UTRN: variants seen among roughly 807,000 people sequenced by gnomAD.
UTRN encodes dystrophin-related protein 1.
A neutral mutation model predicts 463.9 loss-of-function variants in UTRN; 283 were observed. The ratio of observed to expected loss-of-function variants is 0.61; its 90% confidence interval spans 0.55 to 0.67. The LOEUF (loss-of-function observed/expected upper bound fraction) is 0.67, where lower values mean the gene tolerates loss of function less well. UTRN is among the 30% of genes least tolerant of loss of function. The pLI is 0.00. For synonymous variants in UTRN, 1,442 were observed against 1,431.5 expected (o/e 1.01, Z -0.17); for missense variants, 3,922 against 4,084.3 (o/e 0.96, Z 1.08).
intron 41 of UTRN, among the ~76,000 whole-genome samples, chr6:144,530,078 G>T (rs1796902735): frequency 6.6e-6 from 1 of 152,146 alleles, no homozygotes; most frequent in South Asian, 2.1e-4. Context: ...AGGTAAATGG[G>T]ACCCTCAGGA....
At chr6:144,485,289 C>T (rs545862504) in intron 27 of UTRN, 96 bp from the exon 28 acceptor site, 1 of 1,517,852 alleles carries the variant, frequency 6.6e-7, no homozygotes, top group South Asian at 1.3e-5. Context: ...TACTCACATC[C>T]AAATGAAATT....
chr6:144,570,435 A>C (rs1231323177), intron 50 of UTRN, among the ~76,000 whole-genome samples: 8 of 152,154 alleles, frequency 5.3e-5, no homozygotes, highest in Admixed American at 4.6e-4. Flanking sequence ...TATCAGGCAA[A>C]GTTTAGGGAT....
intron 2 of UTRN, among the ~76,000 whole-genome samples, chr6:144,391,355 G>A (rs374624383): frequency 1.1e-4 from 16 of 152,300 alleles, no homozygotes; most frequent in African/African-American, 3.8e-4. Context: ...ACAGATGTGA[G>A]CCACTTGCCT....
rs140425434 is a variant in UTRN at position 144,345,746 on chromosome 6, C to T, written c.79+53839C>T. ...TTTCCTTTGATTGTCACTAAATCCTCTCTCTTTCCCCACCATTAAGAGTCT... is the reference window on the plus strand; with the variant it reads ...TTTCCTTTGATTGTCACTAAATCCTTTCTCTTTCCCCACCATTAAGAGTCT... On this transcript the variant is annotated intron_variant, in intron 2 of 74. Coordinates refer to ENST00000367545, the MANE Select transcript of UTRN (RefSeq NM_007124.3). Among the ~76,000 whole-genome samples, 339 of 152,302 alleles carry T rather than the reference C, an allele frequency of 2.2e-3. 1 individual carries two copies. Among genetic ancestry groups the T allele is most frequent in the Middle Eastern group, 6.8e-3 (2 of 294 alleles).
chr6:144,746,809 A>G (rs1790796849), intron 54 of UTRN, among the ~76,000 whole-genome samples: 1 of 152,120 alleles, frequency 6.6e-6, no homozygotes, highest in Non-Finnish European at 1.5e-5. Flanking sequence ...TTTATCTTGT[A>G]CTGGTATATT....
chr6:144,843,959 G>A (rs1781808665), intron 73 of UTRN, among the ~76,000 whole-genome samples: 2 of 152,240 alleles, frequency 1.3e-5, no homozygotes, highest in Admixed American at 1.3e-4. Context: ...AGCATTACTA[G>A]TCATGTCTTC....
At chr6:144,476,728 G>A (rs761204843) in intron 25 of UTRN, among the ~76,000 whole-genome samples, 12 of 152,120 alleles carry the variant, frequency 7.9e-5, no homozygotes, top group Admixed American at 6.5e-4. Flanking sequence ...ACAGAAAATC[G>A]AGCTTTAAAT....
At chr6:144,371,339 C>A (rs1366785451) in intron 2 of UTRN, among the ~76,000 whole-genome samples, 1 of 152,002 alleles carries the variant, frequency 6.6e-6, no homozygotes, top group Non-Finnish European at 1.5e-5. Flanking sequence ...CCCCTATTAC[C>A]CATTATTTAC....
At chr6:144,489,408 C>A (rs376710163) in intron 30 of UTRN, among the ~76,000 whole-genome samples, 233 of 152,206 alleles carry the variant, frequency 1.5e-3, no homozygotes, top group Non-Finnish European at 2.8e-3. Context: ...CTCGGCCTCC[C>A]AAAATGCTGG....
chr6:144,367,288 C>T (rs1023818184), intron 2 of UTRN, among the ~76,000 whole-genome samples: 1 of 150,752 alleles, frequency 6.6e-6, no homozygotes, highest in Non-Finnish European at 1.5e-5. Flanking sequence ...CCCGGCCCCT[C>T]TACCTGCGTT....
intron 2 of UTRN, among the ~76,000 whole-genome samples, chr6:144,384,573 C>A (rs1203985522): frequency 6.6e-6 from 1 of 152,032 alleles, no homozygotes; most frequent in Non-Finnish European, 1.5e-5. Context: ...AACAACAACT[C>A]CTCACTCCTC....
intron 19 of UTRN, among the ~76,000 whole-genome samples, chr6:144,455,333 G>T (rs1788712134): frequency 6.6e-6 from 1 of 152,130 alleles, no homozygotes; most frequent in African/African-American, 2.4e-5. Context: ...CATCCCACTT[G>T]GAGGTTACTC....
At chr6:144,497,521 A>G (rs1037772550) in intron 33 of UTRN, among the ~76,000 whole-genome samples, 2 of 151,774 alleles carry the variant, frequency 1.3e-5, no homozygotes, top group Non-Finnish European at 1.5e-5. Context: ...CTCAAAAAAA[A>G]AAAAAAAAAA....
At chr6:144,402,927 G>A (rs1307060313) in intron 2 of UTRN, among the ~76,000 whole-genome samples, 196 bp from the exon 3 acceptor site, 1 of 152,108 alleles carries the variant, frequency 6.6e-6, no homozygotes, top group South Asian at 2.1e-4. Flanking sequence ...GCCTCCCTCT[G>A]TTGTAGGCAG....
intron 66 of UTRN, among the ~76,000 whole-genome samples, chr6:144,825,762 A>G (rs992277771): frequency 1.3e-5 from 2 of 152,206 alleles, no homozygotes; most frequent in African/African-American, 4.8e-5. Flanking sequence ...TAGAAAGTAT[A>G]TAGCATATCA....
At chr6:144,557,103 A>T (rs945065712) in intron 49 of UTRN, 54 bp from the exon 50 acceptor site, 1 of 1,576,002 alleles carries the variant, frequency 6.3e-7, no homozygotes. Flanking sequence ...TGTTTTGATT[A>T]TACTAATTAC....
intron 19 of UTRN, among the ~76,000 whole-genome samples, chr6:144,455,057 G>C (rs1295219825): frequency 6.8e-6 from 1 of 146,980 alleles, no homozygotes; most frequent in Non-Finnish European, 1.5e-5. Context: ...TACTGGATAT[G>C]TGTATACACA....
chr6:144,845,888 A>G (rs1346408638), intron 73 of UTRN, among the ~76,000 whole-genome samples: 3 of 151,990 alleles, frequency 2.0e-5, no homozygotes, highest in Non-Finnish European at 4.4e-5. Flanking sequence ...TTTTTCTCAC[A>G]TAGCTCCCAG....
chr6:144,559,109 ATTT>A (rs3061854), intron 50 of UTRN, among the ~76,000 whole-genome samples: 3 of 144,450 alleles, frequency 2.1e-5, no homozygotes, highest in Non-Finnish European at 3.1e-5. Context: ...TCTTCTTCTT[ATTT>A]TTTTTTTTTG....
Sources: gnomAD v4.1 joint callset for allele counts (sites outside exome capture counted in the v4.1 genomes callset) on GRCh38, gnomAD v4.1.1 for gene constraint, MANE v1.5 for transcripts, NCBI Gene and HGNC (gene_info 2026-07-23, HGNC 2026-07-21) for gene names.